Variants in SLC30A7 observed in about 807,000 individuals in gnomAD.
The protein encoded by SLC30A7 is solute carrier family 30 member 7, also known as zinc transporter 7.
In SLC30A7, 35 loss-of-function variants were observed where a neutral mutation model predicts 46.0. The ratio of observed to expected loss-of-function variants is 0.76; its 90% CI spans 0.58 to 1.01. SLC30A7 has a LOEUF of 1.01. Among genes scored for constraint, SLC30A7 ranks in the 50% least tolerant of loss-of-function variants. The pLI is 0.00. For synonymous variants in SLC30A7, 147 were observed against 157.8 expected, an observed-to-expected ratio of 0.93 and a Z score of 0.51; for missense variants, 464 against 451.1, an observed-to-expected ratio of 1.03 and a Z score of -0.26.
At chr1:100,990,426 T>C in the SLC30A7 span, 1 of 1,614,080 alleles carries the variant, frequency 6.2e-7, no homozygotes, top group Non-Finnish European at 8.5e-7. Flanking sequence ...CATTGATGCT[T>C]TGAGATTCTG....
rs150882728 is a variant in SLC30A7 at position 100,918,084 on chromosome 1, G to A, written c.663G>A (p.Pro221=). 2.4e-5 allele frequency: 38 copies of A among 1,611,556 alleles called. No individual in the cohort carries two copies. Among genetic ancestry groups the A allele is most frequent in the African/African-American group, 1.5e-4 (11 of 74,948 alleles). Residue 221 remains proline (P), a synonymous_variant, in exon 7 of 11, where the codon CCG becomes CCA. Transcript: ENST00000357650. Reference sequence around the variant, plus strand: ...TAACTTAATTCTCTACAGATGGCCCGTCCTTAAAAGAAACAACAGGACCCA... The same window carrying A: ...TAACTTAATTCTCTACAGATGGCCCATCCTTAAAAGAAACAACAGGACCCA... ...GHGHFHSHDG[P]SLKETTGPSR...
At chr1:100,923,659 G>C (rs1653103166) in intron 8 of SLC30A7, among the ~76,000 whole-genome samples, 1 of 152,126 alleles carries the variant, frequency 6.6e-6, no homozygotes, top group Admixed American at 6.5e-5. Flanking sequence ...TGTACCTATA[G>C]TTGCAGCTAC....
chr1:100,979,775 A>C lies in SLC30A7; in HGVS notation c.*4918A>C, dbSNP rs1159520688. The C allele has an allele frequency of 1.3e-5, 2 of 152,136 alleles. No individual in the cohort carries two copies. Among genetic ancestry groups the C allele is most frequent in the African/African-American group, 4.8e-5 (2 of 41,434 alleles). 9.4% of individuals were successfully genotyped at this position (152,136 alleles called of 1,614,324 possible). ...TTACAGATGAGGAAGCTGTTTGGAG[A>C]TAATTTAAGTGACTTGCCTGGGGAA... On this transcript the variant is annotated 3_prime_UTR_variant, in exon 11 of 11. Transcript: ENST00000357650.
chr1:100,947,326 T>C (rs912689783), intron 8 of SLC30A7, among the ~76,000 whole-genome samples: 8 of 152,236 alleles, frequency 5.3e-5, no homozygotes, highest in Admixed American at 4.6e-4. Context: ...CCAGTAGTCA[T>C]TCAGGAACAG....
intron 8 of SLC30A7, among the ~76,000 whole-genome samples, chr1:100,943,012 T>A (rs1654441861): frequency 6.6e-6 from 1 of 152,210 alleles, no homozygotes; most frequent in South Asian, 2.1e-4. Context: ...CCTTTAAGGC[T>A]CAAAATGTTT....
intron 8 of SLC30A7, among the ~76,000 whole-genome samples, chr1:100,933,650 A>C (rs1653793909): frequency 1.3e-5 from 2 of 152,004 alleles, no homozygotes; most frequent in African/African-American, 4.8e-5. Context: ...CCCACCTATG[A>C]GTGAGAACAT....
chr1:100,993,566 ATATATATAT>A, the SLC30A7 span, among the ~76,000 whole-genome samples: 140 of 71,190 alleles, frequency 2.0e-3, 3 homozygotes, highest in African/African-American at 7.7e-3. Context: ...ATAAATATAT[ATATATATAT>A]ATATATATAT....
In SLC30A7 at chr1:100,912,094, G is replaced by A; in HGVS notation, c.385-18G>A. ...GAAATAATATCTATGCTATTTGTTT[G>A]TATTATGTGTTTTCTAGAGAGCATT... is the stretch of plus-strand genomic sequence containing the variant. On this transcript the variant is annotated intron_variant, in intron 4 of 10. Transcript: ENST00000357650. The A allele has an allele frequency of 6.2e-7, 1 of 1,608,152 alleles. No individual in the cohort carries two copies. Among genetic ancestry groups the A allele is most frequent in the Non-Finnish European group, 8.5e-7 (1 of 1,175,746 alleles).
intron 8 of SLC30A7, among the ~76,000 whole-genome samples, chr1:100,956,293 T>C (rs1028347464): frequency 3.9e-5 from 6 of 152,296 alleles, no homozygotes; most frequent in Admixed American, 2.6e-4. Context: ...TTTGTGATCA[T>C]GTAACTTCTT....
chr1:100,988,673 C>A, the SLC30A7 span, among the ~76,000 whole-genome samples: 1 of 151,792 alleles, frequency 6.6e-6, no homozygotes, highest in African/African-American at 2.4e-5. Context: ...TGGCGAAACC[C>A]CATCTCTACA....
downstream of SLC30A7, among the ~76,000 whole-genome samples, chr1:100,983,681 A>G (rs1176749165): frequency 1.3e-5 from 2 of 152,224 alleles, no homozygotes; most frequent in Admixed American, 6.5e-5. Context: ...AAATAATACA[A>G]AGACCTTATA....
At chr1:100,896,701 A>C in intron 2 of SLC30A7, 30 bp downstream of exon 2, 5 of 1,590,460 alleles carry the variant, frequency 3.1e-6, no homozygotes, top group South Asian at 1.1e-5. Flanking sequence ...GTTTGGGCGG[A>C]AGCTGGGTGT....
intron 10 of SLC30A7, among the ~76,000 whole-genome samples, chr1:100,968,757 A>G (rs746224976): frequency 2.0e-5 from 3 of 152,250 alleles, no homozygotes; most frequent in Non-Finnish European, 4.4e-5. Flanking sequence ...TGTCATACAT[A>G]TCACATTGTA....
downstream of SLC30A7, among the ~76,000 whole-genome samples, chr1:100,983,169 T>A (rs1657047722): frequency 6.6e-6 from 1 of 151,810 alleles, no homozygotes; most frequent in Admixed American, 6.6e-5. Context: ...CCTCCTTAAA[T>A]CAAACCCTTG....
chr1:100,912,034 A>C (rs997469021), intron 4 of SLC30A7, 78 bp from the exon 5 acceptor site: 3 of 1,297,154 alleles, frequency 2.3e-6, no homozygotes, highest in Non-Finnish European at 3.2e-6. Flanking sequence ...GAAAGTGTTT[A>C]ATGTTGTCTT....
intron 10 of SLC30A7, among the ~76,000 whole-genome samples, chr1:100,968,895 T>C (rs1656004238): frequency 2.6e-5 from 4 of 152,256 alleles, no homozygotes; most frequent in Admixed American, 2.6e-4. Flanking sequence ...AAGCCATCTT[T>C]ATATATGCTA....
chr1:100,993,197 C>G, the SLC30A7 span, among the ~76,000 whole-genome samples: 1 of 152,034 alleles, frequency 6.6e-6, no homozygotes, highest in Non-Finnish European at 1.5e-5. Flanking sequence ...TGATGGCATA[C>G]GTTTATTTCT....
At chr1:100,995,115 T>C in the SLC30A7 span, 2 of 1,576,098 alleles carry the variant, frequency 1.3e-6, no homozygotes, top group Non-Finnish European at 1.7e-6. Flanking sequence ...CTTACTTGAT[T>C]AGATTTTCCA....
intron 8 of SLC30A7, among the ~76,000 whole-genome samples, chr1:100,950,749 C>G (rs545832535): frequency 6.6e-6 from 1 of 152,074 alleles, no homozygotes; most frequent in Non-Finnish European, 1.5e-5. Flanking sequence ...ACTTTAACCC[C>G]GACTAGTTAA....
Sources: gnomAD v4.1 joint callset for allele counts (sites outside exome capture counted in the v4.1 genomes callset) on GRCh38, gnomAD v4.1.1 for gene constraint, MANE v1.5 for transcripts, NCBI Gene and HGNC (gene_info 2026-07-23, HGNC 2026-07-21) for gene names.